DNAJC1: variants seen among roughly 807,000 people sequenced by gnomAD.
The protein encoded by DNAJC1 is dnaJ homolog subfamily C member 1.
A neutral mutation model predicts 76.6 loss-of-function variants in DNAJC1; 58 were observed. The ratio of observed to expected loss-of-function variants is 0.76; its 90% confidence interval spans 0.61 to 0.94. DNAJC1 has a LOEUF of 0.94. Among genes scored for constraint, DNAJC1 ranks in the 40% least tolerant of loss-of-function variants. The pLI, the probability that DNAJC1 is intolerant of heterozygous loss-of-function variation, is 0.00. For missense variants in DNAJC1, 689 were observed against 677.3 expected (o/e 1.02, Z -0.19); for synonymous variants, 258 against 267.9 (o/e 0.96, Z 0.36).
At chr10:21,822,076 T>C (rs1389937420) in intron 8 of DNAJC1, among the ~76,000 whole-genome samples, 2 of 152,194 alleles carry the variant, frequency 1.3e-5, no homozygotes, top group African/African-American at 4.8e-5. Context: ...TAATTACCAT[T>C]TTGAAAGCAT....
intron 8 of DNAJC1, among the ~76,000 whole-genome samples, chr10:21,877,207 G>A (rs1430154268): frequency 6.6e-6 from 1 of 152,046 alleles, no homozygotes; most frequent in African/African-American, 2.4e-5. Context: ...CTGGGAAATT[G>A]AGGCTGCAGG....
intron 1 of DNAJC1, among the ~76,000 whole-genome samples, chr10:21,957,885 TTAAG>T (rs375187526): frequency 6.6e-6 from 1 of 152,166 alleles, no homozygotes; most frequent in African/African-American, 2.4e-5. Context: ...TGATGGTACA[TTAAG>T]TGACGGCAAA....
chr10:21,938,873 G>GT (rs912326631), intron 1 of DNAJC1, among the ~76,000 whole-genome samples: 3 of 151,724 alleles, frequency 2.0e-5, no homozygotes, highest in South Asian at 2.1e-4. Flanking sequence ...AACTCTTCAG[G>GT]TTTTTTTTGG....
intron 1 of DNAJC1, among the ~76,000 whole-genome samples, chr10:21,984,178 A>C (rs1258889117): frequency 6.6e-6 from 1 of 152,168 alleles, no homozygotes; most frequent in Non-Finnish European, 1.5e-5. Flanking sequence ...TTAATAGAAA[A>C]ATTACTTAAA....
At chr10:21,803,935 A>AG in intron 9 of DNAJC1, 1 of 984,890 alleles carries the variant, frequency 1.0e-6, no homozygotes, top group Non-Finnish European at 1.2e-6. Flanking sequence ...TCCATGATAA[A>AG]GGGAAAAAAT....
At chr10:21,924,754 T>C (rs1374346063) in intron 3 of DNAJC1, among the ~76,000 whole-genome samples, 1 of 152,176 alleles carries the variant, frequency 6.6e-6, no homozygotes, top group African/African-American at 2.4e-5. Flanking sequence ...GTTAGGCAAG[T>C]TCCTCACTGT....
intron 8 of DNAJC1, among the ~76,000 whole-genome samples, chr10:21,871,092 C>T (rs1227976044): frequency 6.6e-6 from 1 of 151,944 alleles, no homozygotes; most frequent in Non-Finnish European, 1.5e-5. Context: ...GGCTGTTTCC[C>T]TGGGGGCATT....
At chr10:21,996,726 T>C (rs1014825135) in intron 1 of DNAJC1, among the ~76,000 whole-genome samples, 2 of 152,216 alleles carry the variant, frequency 1.3e-5, no homozygotes, top group Non-Finnish European at 2.9e-5. Flanking sequence ...AAGTCTCTGT[T>C]CCATCAGCTC....
chr10:21,951,915 A>G (rs1837602853), intron 1 of DNAJC1, among the ~76,000 whole-genome samples: 1 of 152,222 alleles, frequency 6.6e-6, no homozygotes, highest in Admixed American at 6.5e-5. Flanking sequence ...CTTTGTTAAT[A>G]AAGTCCCAAA....
At chr10:21,854,897 T>A (rs907596568) in intron 8 of DNAJC1, among the ~76,000 whole-genome samples, 1 of 152,152 alleles carries the variant, frequency 6.6e-6, no homozygotes, top group Non-Finnish European at 1.5e-5. Flanking sequence ...CAAATGGCCA[T>A]CACAAGAGAA....
At chr10:21,845,962 C>T (rs118190468) in intron 8 of DNAJC1, among the ~76,000 whole-genome samples, 11 of 152,062 alleles carry the variant, frequency 7.2e-5, no homozygotes, top group Non-Finnish European at 1.3e-4. Flanking sequence ...TTTCCTTAAC[C>T]ACCTCTAGAT....
At chr10:21,913,722 T>A (rs184469477) in intron 6 of DNAJC1, among the ~76,000 whole-genome samples, 66 of 152,298 alleles carry the variant, frequency 4.3e-4, no homozygotes, top group African/African-American at 1.4e-3. Flanking sequence ...TCCAAGAGAA[T>A]GTGTACTTTC....
At chr10:21,951,586 T>C (rs1837596103) in intron 1 of DNAJC1, among the ~76,000 whole-genome samples, 1 of 152,154 alleles carries the variant, frequency 6.6e-6, no homozygotes, top group Admixed American at 6.5e-5. Flanking sequence ...ATAGTGCAAG[T>C]GCTTCACAGA....
intron 9 of DNAJC1, among the ~76,000 whole-genome samples, chr10:21,793,163 G>A (rs759576586): frequency 6.6e-6 from 1 of 152,010 alleles, no homozygotes; most frequent in Non-Finnish European, 1.5e-5. Context: ...AAAATTAGCT[G>A]GGCGTGGTGG....
chr10:21,811,089 C>T (rs964414976), intron 8 of DNAJC1, among the ~76,000 whole-genome samples: 3 of 152,182 alleles, frequency 2.0e-5, no homozygotes, highest in Non-Finnish European at 4.4e-5. Context: ...TGACATCACA[C>T]TGATGACCTC....
intron 7 of DNAJC1, among the ~76,000 whole-genome samples, chr10:21,882,762 C>T (rs1413826215): frequency 6.6e-6 from 1 of 152,046 alleles, no homozygotes; most frequent in Non-Finnish European, 1.5e-5. Flanking sequence ...CCTAACTTTA[C>T]CATGTAATAA....
chr10:21,805,842 A>AG, intron 9 of DNAJC1, 138 bp downstream of exon 9: 1 of 1,068,940 alleles, frequency 9.4e-7, no homozygotes, highest in Non-Finnish European at 1.4e-6. Flanking sequence ...TATTGCATTA[A>AG]TGGTTCACTT....
At chr10:21,954,970 CTA>C (rs1837655122) in intron 1 of DNAJC1, among the ~76,000 whole-genome samples, 2 of 152,142 alleles carry the variant, frequency 1.3e-5, no homozygotes, top group Non-Finnish European at 2.9e-5. Context: ...AACCTTGGCA[CTA>C]TTGACATTTC....
At chr10:21,771,910 T>C (rs1834382687) in intron 9 of DNAJC1, among the ~76,000 whole-genome samples, 3 of 152,228 alleles carry the variant, frequency 2.0e-5, no homozygotes, top group Admixed American at 1.3e-4. Flanking sequence ...CATGGTTAAA[T>C]GCCACTTGAT....
Sources: gnomAD v4.1 joint callset for allele counts (sites outside exome capture counted in the v4.1 genomes callset) on GRCh38, gnomAD v4.1.1 for gene constraint, MANE v1.5 for transcripts, NCBI Gene and HGNC (gene_info 2026-07-23, HGNC 2026-07-21) for gene names.